Variants in GJA1 observed in about 807,000 individuals in gnomAD.
GJA1 encodes the protein gap junction alpha-1 protein.
Under a neutral mutation model 31.0 loss-of-function variants are expected in GJA1, and 9 were observed. The observed-to-expected ratio is 0.29, with a 90% CI of 0.17 to 0.51. The LOEUF is 0.51. Ranked by LOEUF, GJA1 falls within the 20% of genes least tolerant of loss-of-function variation. GJA1 has a pLI of 0.98. For synonymous variants in GJA1, 186 were observed against 180.1 expected, an observed-to-expected ratio of 1.03 and a Z score of -0.26; for missense variants, 278 against 468.8, an observed-to-expected ratio of 0.59 and a Z score of 3.76.
intron 1 of GJA1, among the ~76,000 whole-genome samples, chr6:121,443,977 G>C (rs1773841717): frequency 6.6e-6 from 1 of 152,156 alleles, no homozygotes; most frequent in Admixed American, 6.6e-5. Context: ...CATAGAAACT[G>C]TCTATTGATA....
At chr6:121,436,755 C>T (rs1240365044) in intron 1 of GJA1, among the ~76,000 whole-genome samples, 1 of 152,180 alleles carries the variant, frequency 6.6e-6, no homozygotes, top group African/African-American at 2.4e-5. Context: ...CCGCCAACAC[C>T]CGCCGCCCCG....
intron 1 of GJA1, 132 bp from the exon 2 acceptor site, chr6:121,446,700 G>A: frequency 1.3e-6 from 1 of 742,302 alleles, no homozygotes; most frequent in Non-Finnish European, 2.4e-6. Flanking sequence ...GTTTGCACTT[G>A]GTTTTTTGTG....
In GJA1 at chr6:121,448,006, T is replaced by A; in HGVS notation, c.*10T>A. ...TGACCTGGAGATCTAGATACAGGCT[T>A]GAAAGCATCAAGATTCCACTCAATT... On this transcript the variant is annotated 3_prime_UTR_variant, in exon 2 of 2. Coordinates refer to ENST00000282561, the MANE Select transcript of GJA1 (RefSeq NM_000165.5). 1 of 1,609,168 alleles carries A rather than the reference T, an allele frequency of 6.2e-7. No homozygotes were observed.
At chr6:121,437,995 C>T (rs997295594) in intron 1 of GJA1, among the ~76,000 whole-genome samples, 5 of 152,022 alleles carry the variant, frequency 3.3e-5, no homozygotes, top group Non-Finnish European at 7.4e-5. Flanking sequence ...CGCTCCCCTC[C>T]CCCCCGCGCC....
At chr6:121,445,483 G>A (rs994794723) in intron 1 of GJA1, among the ~76,000 whole-genome samples, 1 of 152,202 alleles carries the variant, frequency 6.6e-6, no homozygotes, top group Non-Finnish European at 1.5e-5. Context: ...AATGGAGAAG[G>A]CGTGGACTTT....
At chr6:121,440,726 A>G (rs530700514) in intron 1 of GJA1, among the ~76,000 whole-genome samples, 125 of 151,660 alleles carry the variant, frequency 8.2e-4, no homozygotes, top group African/African-American at 2.9e-3. Flanking sequence ...CTATACCCCA[A>G]TTAATTAATT....
intron 1 of GJA1, among the ~76,000 whole-genome samples, chr6:121,437,630 C>T (rs1773692548): frequency 1.3e-5 from 2 of 152,206 alleles, no homozygotes; most frequent in African/African-American, 2.4e-5. Flanking sequence ...CACCCTGCCC[C>T]TTTAGTGACC....
intron 1 of GJA1, among the ~76,000 whole-genome samples, chr6:121,439,333 G>C (rs1773725991): frequency 6.6e-6 from 1 of 152,110 alleles, no homozygotes; most frequent in Admixed American, 6.5e-5. Flanking sequence ...GAAAAAAATA[G>C]ACTATCTTAA....
rs760501433 is a variant in GJA1, at chr6:121,447,688, A to G, written c.841A>G (p.Met281Val). The G allele has an allele frequency of 4.3e-6, 7 of 1,613,946 alleles. No homozygotes were observed. Among genetic ancestry groups the G allele is most frequent in the Admixed American group, 1.7e-5 (1 of 59,988 alleles). Residue 281 changes from methionine to valine, a missense_variant, in exon 2 of 2, where the codon ATG (methionine) becomes GTG (valine). Met to Val is a conservative substitution (Grantham distance 21). Around this residue, in one of 3 missense-constraint regions of GJA1, gnomAD observed 172 missense variants for 190.9 expected, o/e 0.90. Coordinates refer to ENST00000282561, the MANE Select transcript of GJA1 (RefSeq NM_000165.5). ...CTCACCAACCGCTCCCCTCTCGCCT[A>G]TGTCTCCTCCTGGGTACAAGCTGGT... The part of the protein sequence containing the change: ...CSSPTAPLSP[M>V]SPPGYKLVTG...
chr6:121,437,538 C>A (rs1773690545), intron 1 of GJA1, among the ~76,000 whole-genome samples: 1 of 151,934 alleles, frequency 6.6e-6, no homozygotes, highest in African/African-American at 2.4e-5. Context: ...GGAGGAGAGA[C>A]CCTCGGGAAG....
chr6:121,437,754 C>G lies in GJA1; in HGVS notation c.-17+1922C>G, dbSNP rs528663243. Among the ~76,000 whole-genome samples the G allele has an allele frequency of 2.0e-4, 30 of 152,238 alleles. No homozygotes were observed. The South Asian group carries it at 5.8e-3, about 29-fold the overall frequency. ...CAAAGTAGGGGTGGGAAGGGGAGAG[C>G]TACACAATGTTGTAAAAAGAAGCGT... On this transcript the variant is annotated intron_variant, in intron 1 of 1. Transcript: ENST00000282561.
intron 1 of GJA1, among the ~76,000 whole-genome samples, chr6:121,441,046 C>T (rs1048223491): frequency 6.7e-6 from 1 of 150,200 alleles, no homozygotes; most frequent in Non-Finnish European, 1.5e-5. Context: ...GGGTTCACGC[C>T]ATTCTCCTGC....
intron 1 of GJA1, among the ~76,000 whole-genome samples, chr6:121,443,566 CAA>C (rs1470917337): frequency 1.3e-5 from 2 of 152,064 alleles, no homozygotes; most frequent in Non-Finnish European, 2.9e-5. Context: ...TGTAGAATCT[CAA>C]AATTATATGA....
chr6:121,438,560 G>A (rs1348160394), intron 1 of GJA1, among the ~76,000 whole-genome samples: 1 of 152,158 alleles, frequency 6.6e-6, no homozygotes, highest in African/African-American at 2.4e-5. Flanking sequence ...ATACCCGCAG[G>A]GAAGGGAATG....
In GJA1 at chr6:121,449,665, A is replaced by C. The variant is rs1348417077; in HGVS notation, c.*1669A>C. 2 of 167,114 alleles carry C rather than the reference A, an allele frequency of 1.2e-5. No homozygotes were observed. The highest frequency in any genetic ancestry group is 2.9e-5 in the Non-Finnish European group (2 of 68,122). The allele number at this position is 167,114 out of a possible 1,614,324, so 10.4% of individuals were successfully genotyped here. On this transcript the variant is annotated 3_prime_UTR_variant, in exon 2 of 2. Transcript: ENST00000282561. ...ATTGCATGTAATGTAGACCTAGTCC[A>C]TCAGATCATGTGTTCTGGAGAGTGT...
intron 1 of GJA1, among the ~76,000 whole-genome samples, chr6:121,446,059 G>A (rs1773884196): frequency 6.6e-6 from 1 of 152,198 alleles, no homozygotes; most frequent in Non-Finnish European, 1.5e-5. Context: ...ACTTTGGGAG[G>A]CTGAGGTAGA....
At chr6:121,443,675 G>A (rs1363922670) in intron 1 of GJA1, among the ~76,000 whole-genome samples, 1 of 151,302 alleles carries the variant, frequency 6.6e-6, no homozygotes, top group Non-Finnish European at 1.5e-5. Flanking sequence ...AATAAACTTA[G>A]TGATGAATTA....
At chr6:121,438,282 G>C (rs1406968894) in intron 1 of GJA1, among the ~76,000 whole-genome samples, 1 of 152,120 alleles carries the variant, frequency 6.6e-6, no homozygotes, top group Non-Finnish European at 1.5e-5. Flanking sequence ...TTTTTCTAAT[G>C]CCTTCTGAGG....
At chr6:121,444,571 T>C (rs1206835601) in intron 1 of GJA1, among the ~76,000 whole-genome samples, 1 of 152,200 alleles carries the variant, frequency 6.6e-6, no homozygotes, top group Non-Finnish European at 1.5e-5. Context: ...TGTTGCTTAC[T>C]GAGGAAGAAG....
Sources: gnomAD v4.1 joint callset for allele counts (sites outside exome capture counted in the v4.1 genomes callset) on GRCh38, gnomAD v4.1.1 for gene constraint, gnomAD v4.1.1 regional missense constraint, MANE v1.5 for transcripts, NCBI Gene and HGNC (gene_info 2026-07-23, HGNC 2026-07-21) for gene names.